Variants in TMOD3 observed in about 807,000 individuals in gnomAD.
TMOD3 encodes tropomodulin-3.
TMOD3 carries 20 observed loss-of-function variants against 39.2 expected under a neutral mutation model. The ratio of observed to expected loss-of-function variants is 0.51; its 90% CI spans 0.36 to 0.74. The LOEUF (loss-of-function observed/expected upper bound fraction) is 0.74, where lower values mean the gene tolerates loss of function less well. TMOD3 is among the 30% of genes least tolerant of loss of function. The probability of loss-of-function intolerance (pLI) is 0.00; values close to 1 mark genes in which losing one functional copy is unlikely to be tolerated. For synonymous variants in TMOD3, 143 were observed against 145.8 expected, an observed-to-expected ratio of 0.98 and a Z score of 0.14; for missense variants, 381 against 412.8, an observed-to-expected ratio of 0.92 and a Z score of 0.67.
In TMOD3 at chr15:51,911,870, G is replaced by C. The variant is rs535568788; in HGVS notation, c.*3060G>C. 3.3e-5 allele frequency: 5 copies of C among 152,288 alleles called. No individual in the cohort carries two copies. The East Asian group carries it at 9.6e-4, about 29-fold the overall frequency. The allele number at this position is 152,288 out of a possible 1,614,324, so 9.4% of individuals were successfully genotyped here. On this transcript the variant is annotated 3_prime_UTR_variant, in exon 10 of 10. Coordinates refer to ENST00000308580, the MANE Select transcript of TMOD3 (RefSeq NM_014547.5). ...ATAGGTGAAATACACTTTCAAAGTTGCCTGTCATTTAAAAGACCAAATAAG... is the reference window on the plus strand; with the variant it reads ...ATAGGTGAAATACACTTTCAAAGTTCCCTGTCATTTAAAAGACCAAATAAG...
chr15:51,886,236 C>T (rs1018102814), intron 3 of TMOD3, among the ~76,000 whole-genome samples: 9 of 145,120 alleles, frequency 6.2e-5, no homozygotes, highest in Non-Finnish European at 1.4e-4. Flanking sequence ...GCAGCCAGGC[C>T]GAGACGCTCC....
chr15:51,847,159 T>C (rs2056340138), intron 1 of TMOD3, among the ~76,000 whole-genome samples: 1 of 152,212 alleles, frequency 6.6e-6, no homozygotes, highest in Non-Finnish European at 1.5e-5. Context: ...TTTGAAGTGG[T>C]ATGAATAACC....
At chr15:51,865,831 G>C (rs2056442474) in intron 2 of TMOD3, among the ~76,000 whole-genome samples, 1 of 152,018 alleles carries the variant, frequency 6.6e-6, no homozygotes, top group South Asian at 2.1e-4. Flanking sequence ...TATTTTGGAG[G>C]ACTGTTTTAC....
intron 1 of TMOD3, among the ~76,000 whole-genome samples, chr15:51,850,390 A>C (rs1054578441): frequency 1.3e-5 from 2 of 152,118 alleles, no homozygotes; most frequent in South Asian, 2.1e-4. Context: ...GGGAAGGTAG[A>C]GTGTATGGGT....
Position 51,914,922 on chromosome 15 carries a change from G to C in TMOD3, c.*6112G>C, listed in dbSNP as rs1332721235. 3 of 151,908 alleles carry C rather than the reference G, an allele frequency of 2.0e-5. No individual in the cohort carries two copies. The highest frequency in any genetic ancestry group is 4.4e-5 in the Non-Finnish European group (3 of 68,018). 9.4% of individuals were successfully genotyped at this position (151,908 alleles called of 1,614,324 possible). On this transcript the variant is annotated 3_prime_UTR_variant, in exon 10 of 10. Coordinates refer to ENST00000308580, the MANE Select transcript of TMOD3 (RefSeq NM_014547.5). Reference sequence around the variant, plus strand: ...AATTTTTGTATTTTCAGTAGAGACGGAGTTTCACCATCTTGGCCAGGCTGG... The same window carrying C: ...AATTTTTGTATTTTCAGTAGAGACGCAGTTTCACCATCTTGGCCAGGCTGG...
chr15:51,847,707 C>T (rs905529201), intron 1 of TMOD3, among the ~76,000 whole-genome samples: 2 of 152,128 alleles, frequency 1.3e-5, no homozygotes, highest in Non-Finnish European at 2.9e-5. Flanking sequence ...TCACTTGAAG[C>T]CAAGAGACCA....
At chr15:51,850,488 G>A (rs2056356158) in intron 1 of TMOD3, among the ~76,000 whole-genome samples, 1 of 152,136 alleles carries the variant, frequency 6.6e-6, no homozygotes, top group Non-Finnish European at 1.5e-5. Context: ...TTAAGGTAAG[G>A]TCATCAGAGA....
chr15:51,906,886 GTT>G (rs2056684246), intron 9 of TMOD3, among the ~76,000 whole-genome samples: 1 of 152,094 alleles, frequency 6.6e-6, no homozygotes, highest in Non-Finnish European at 1.5e-5. Context: ...CAGGTGTGGT[GTT>G]GCATGCCTGT....
chr15:51,900,400 C>G, intron 8 of TMOD3, 102 bp downstream of exon 8: 1 of 1,362,196 alleles, frequency 7.3e-7, no homozygotes, highest in Non-Finnish European at 1.0e-6. Flanking sequence ...GTCAGGGATC[C>G]CTGTTGGAAG....
intron 3 of TMOD3, among the ~76,000 whole-genome samples, chr15:51,870,279 A>T (rs1457614451): frequency 6.6e-6 from 1 of 152,198 alleles, no homozygotes; most frequent in African/African-American, 2.4e-5. Flanking sequence ...ATAATACTTA[A>T]ATGAAACAGG....
intron 3 of TMOD3, among the ~76,000 whole-genome samples, chr15:51,872,704 A>T (rs1453975077): frequency 1.3e-5 from 2 of 151,182 alleles, no homozygotes; most frequent in Admixed American, 6.6e-5. Context: ...GGCTCAAACG[A>T]TTCTTCCACC....
At chr15:51,872,241 A>C (rs2056478531) in intron 3 of TMOD3, among the ~76,000 whole-genome samples, 1 of 152,166 alleles carries the variant, frequency 6.6e-6, no homozygotes, top group South Asian at 2.1e-4. Context: ...CTAAAAATAC[A>C]AAATAGCTGG....
intron 1 of TMOD3, among the ~76,000 whole-genome samples, chr15:51,834,183 T>G (rs941571448): frequency 1.1e-4 from 16 of 152,330 alleles, no homozygotes; most frequent in African/African-American, 3.8e-4. Flanking sequence ...TACAAGTTCT[T>G]TGTCACATAT....
intron 1 of TMOD3, among the ~76,000 whole-genome samples, chr15:51,830,360 C>T (rs1270832799): frequency 1.3e-5 from 2 of 152,212 alleles, no homozygotes; most frequent in Non-Finnish European, 2.9e-5. Flanking sequence ...AAGTTCCTAG[C>T]TCCCAGGCAG....
chr15:51,862,707 A>G, intron 1 of TMOD3, 104 bp from the exon 2 acceptor site: 1 of 431,948 alleles, frequency 2.3e-6, no homozygotes, highest in Non-Finnish European at 3.9e-6. Flanking sequence ...GTGATCAAAG[A>G]ATATATGACA....
intron 1 of TMOD3, among the ~76,000 whole-genome samples, chr15:51,852,831 T>C (rs1165851282): frequency 6.6e-6 from 1 of 152,246 alleles, no homozygotes; most frequent in African/African-American, 2.4e-5. Flanking sequence ...TCAAGAGCTT[T>C]ACAGTGTCTA....
chr15:51,913,531 A>T lies in TMOD3; in HGVS notation c.*4721A>T, dbSNP rs1184124107. ...CCTGTATTGATTTTTCTCCACTATA[A>T]TTCAGTTCTATAAGTTCTTCCCTAT... is the stretch of plus-strand genomic sequence containing the variant. On this transcript the variant is annotated 3_prime_UTR_variant, in exon 10 of 10. Coordinates refer to ENST00000308580, the MANE Select transcript of TMOD3 (RefSeq NM_014547.5). 1 of 152,164 alleles carries T rather than the reference A, an allele frequency of 6.6e-6. No individual in the cohort carries two copies. The highest frequency in any genetic ancestry group is 1.9e-4 in the East Asian group (1 of 5,200). 9.4% of individuals were successfully genotyped at this position (152,164 alleles called of 1,614,324 possible).
intron 2 of TMOD3, among the ~76,000 whole-genome samples, chr15:51,863,395 AG>A (rs759056764): frequency 2.6e-5 from 4 of 152,240 alleles, no homozygotes; most frequent in Non-Finnish European, 5.9e-5. Flanking sequence ...TGCCTCTAAA[AG>A]ATTCTTCATG....
intron 9 of TMOD3, among the ~76,000 whole-genome samples, chr15:51,905,813 G>A (rs2448947): frequency 0.36 from 55,124 of 151,044 alleles, 10,409 homozygotes; most frequent in Middle Eastern, 0.43. Context: ...GCGCGGTGGC[G>A]GGCGCCTGTA....
Sources: allele counts gnomAD v4.1 joint callset (sites outside exome capture counted in the v4.1 genomes callset), GRCh38; gene constraint gnomAD v4.1.1; transcripts MANE v1.5; gene names NCBI Gene and HGNC (gene_info 2026-07-23, HGNC 2026-07-21).